FRMD8: variants seen among roughly 807,000 people sequenced by gnomAD.
The protein encoded by FRMD8 is FERM domain containing 8, also known as FERM domain-containing protein 8.
FRMD8 carries 37 observed loss-of-function variants against 54.2 expected under a neutral mutation model. The observed-to-expected ratio is 0.68, with a 90% confidence interval of 0.53 to 0.90. FRMD8 has a LOEUF of 0.90. Ranked by LOEUF, FRMD8 falls within the 40% of genes least tolerant of loss-of-function variation. The probability of loss-of-function intolerance (pLI) is 0.00; values close to 1 mark genes in which losing one functional copy is unlikely to be tolerated. For missense variants in FRMD8, 585 were observed against 653.7 expected (o/e 0.89, Z 1.15); for synonymous variants, 246 against 286.9 (o/e 0.86, Z 1.44).
chr11:65,382,976 C>T (rs2137835166), upstream of FRMD8: 1 of 152,480 alleles, frequency 6.6e-6, no homozygotes, highest in Admixed American at 6.5e-5. This position sits in a 1 kb window ranked among gnomAD's most constrained non-coding sequence, Gnocchi z 4.4. Flanking sequence ...ACTTGTCTGT[C>T]TGGACAGGGA....
the FRMD8 span, chr11:65,377,346 G>A: frequency 2.2e-6 from 3 of 1,334,314 alleles, no homozygotes; most frequent in South Asian, 1.9e-5. Flanking sequence ...GCCTACAGCA[G>A]GCACTCAGAA....
chr11:65,394,459 G>T (rs1268002001), intron 6 of FRMD8, 34 bp downstream of exon 6: 2 of 1,541,004 alleles, frequency 1.3e-6, no homozygotes, highest in Non-Finnish European at 1.7e-6. Context: ...CGGGGGCGCT[G>T]GGTGGGGGAG....
intron 10 of FRMD8, among the ~76,000 whole-genome samples, chr11:65,405,302 G>A (rs895618583): frequency 2.0e-5 from 3 of 152,236 alleles, no homozygotes; most frequent in African/African-American, 7.2e-5. Flanking sequence ...GATGTGATCC[G>A]GGAAACGACT....
chr11:65,382,173 G>A (rs975136674), upstream of FRMD8: 257 of 583,232 alleles, frequency 4.4e-4, 1 homozygote, highest in Non-Finnish European at 1.0e-4. The surrounding 1 kb of genome is among the most constrained non-coding windows in gnomAD (Gnocchi z 4.4). Flanking sequence ...ACAGTCTCAC[G>A]GGCCAGGCGT....
At chr11:65,389,988 G>C (rs997130109) in intron 3 of FRMD8, among the ~76,000 whole-genome samples, 2 of 152,220 alleles carry the variant, frequency 1.3e-5, no homozygotes, top group African/African-American at 4.8e-5. Flanking sequence ...ACCCAGGCCT[G>C]AGTGGCTTCC....
At position 65,411,894 on chromosome 11, in the gene FRMD8, C is replaced by T. The variant is rs948564605; in HGVS notation, c.*534C>T. The T allele has an allele frequency of 2.0e-5, 3 of 152,630 alleles. No homozygotes were observed. Among genetic ancestry groups the T allele is most frequent in the Non-Finnish European group, 4.4e-5 (3 of 68,330 alleles). The allele number at this position is 152,630 out of a possible 1,614,324, so 9.5% of individuals were successfully genotyped here. The stretch of plus-strand genomic sequence containing the variant: ...TTCCTCCTGCTGGTGCTCCATCCCC[C>T]AATACCAGGCTGGGCCACCACTCTG... On this transcript the variant is annotated 3_prime_UTR_variant, in exon 11 of 11. Transcript: ENST00000317568.
chr11:65,391,056 G>A (rs528686481), intron 3 of FRMD8, among the ~76,000 whole-genome samples: 3 of 152,386 alleles, frequency 2.0e-5, no homozygotes, highest in East Asian at 3.9e-4. Context: ...GGGGTGAACC[G>A]GTGACAGATG....
rs1288059352 is a variant in FRMD8 at position 65,394,321 on chromosome 11, A to C, written c.477A>C (p.Ala159=). ...AGGCCAAGGGCAACGTGCTGGCTGC[A>C]CGGTACCCGTGCGACGTGGAGGACT... ...YEEAKGNVLA[A]RYPCDVEDCE... is the part of the protein sequence containing the mutation. Residue 159 remains alanine, a synonymous_variant, in exon 6 of 11, where the codon GCA becomes GCC. Transcript: ENST00000317568. 1 of 1,587,664 alleles carries C rather than the reference A, an allele frequency of 6.3e-7. No homozygotes were observed. The highest frequency in any genetic ancestry group is 1.8e-5 in the Admixed American group (1 of 56,020).
chr11:65,377,401 C>T, the FRMD8 span: 1 of 1,197,648 alleles, frequency 8.3e-7, no homozygotes, highest in Non-Finnish European at 1.0e-6. Flanking sequence ...TTCTGGCCTC[C>T]CTAAAGCCGG....
chr11:65,393,738 G>A (rs1855888457), intron 4 of FRMD8, 64 bp downstream of exon 4: 1 of 1,371,364 alleles, frequency 7.3e-7, no homozygotes, highest in Admixed American at 1.8e-5. Flanking sequence ...CTGGCTCCCA[G>A]CCCAGCCAGG....
upstream of FRMD8, chr11:65,381,805 G>T: frequency 2.9e-6 from 4 of 1,387,400 alleles, no homozygotes; most frequent in Non-Finnish European, 4.1e-6. Flanking sequence ...TGATCCTCCC[G>T]CCAGGCCGGA....
At chr11:65,368,933 G>T in the FRMD8 span, among the ~76,000 whole-genome samples, 1 of 152,120 alleles carries the variant, frequency 6.6e-6, no homozygotes, top group African/African-American at 2.4e-5. Flanking sequence ...TTAGAGGAGA[G>T]ACAGATATAA....
In FRMD8 at chr11:65,400,817, G is replaced by T. The variant is rs541167364; in HGVS notation, c.1021G>T (p.Asp341Tyr). Residue 341 changes from aspartate (D) to tyrosine (Y), a missense_variant, in exon 9 of 11, where the codon GAC becomes TAC. Coordinates refer to ENST00000317568, the MANE Select transcript of FRMD8 (RefSeq NM_031904.5). This position sits in a 1 kb window ranked among gnomAD's most constrained non-coding sequence, Gnocchi z 4.3. ...EPILWLEFDG[D>Y]SEGTPVNKLL... is the part of the protein sequence containing the mutation. ...CATCTTGTGGCTGGAGTTCGACGGG[G>T]ACAGCGAGGGCACACCTGTCAACAA... 1.9e-6 allele frequency: 3 copies of T among 1,612,986 alleles called. No homozygotes were observed. The East Asian group carries it at 6.7e-5, about 36-fold the overall frequency.
At position 65,400,434 on chromosome 11, in the gene FRMD8, A is replaced by G. The variant is rs1315383976; in HGVS notation, c.928-290A>G. The stretch of plus-strand genomic sequence containing the variant: ...TGCTAGATGCCACGCCCGACCTCAT[A>G]GAAGAGACTCCGCTTCCCCACCTGC... On this transcript the variant is annotated intron_variant, in intron 8 of 10. Coordinates refer to ENST00000317568, the MANE Select transcript of FRMD8 (RefSeq NM_031904.5). The surrounding 1 kb of genome is among the most constrained non-coding windows in gnomAD (Gnocchi z 4.3). Among the ~76,000 whole-genome samples the G allele has an allele frequency of 6.6e-6, 1 of 152,106 alleles. No individual in the cohort carries two copies. The highest frequency in any genetic ancestry group is 1.5e-5 in the Non-Finnish European group (1 of 68,004).
chr11:65,389,612 C>T (rs1052395273), intron 3 of FRMD8, 84 bp downstream of exon 3: 41 of 1,377,742 alleles, frequency 3.0e-5, no homozygotes, highest in Middle Eastern at 4.0e-4. Flanking sequence ...TGTTTGGAGC[C>T]GCTGGGGAGC....
At chr11:65,382,164 C>G (rs1855603742), upstream of FRMD8, 1 of 598,706 alleles carries the variant, frequency 1.7e-6, no homozygotes, top group Non-Finnish European at 3.0e-6. This position sits in a 1 kb window ranked among gnomAD's most constrained non-coding sequence, Gnocchi z 4.4. Flanking sequence ...GTGCAGAGTA[C>G]AGTCTCACGG....
At chr11:65,398,838 C>A (rs965162333) in intron 7 of FRMD8, among the ~76,000 whole-genome samples, 15 of 152,098 alleles carry the variant, frequency 9.9e-5, no homozygotes, top group African/African-American at 3.6e-4. Flanking sequence ...CCCAGGAATT[C>A]AAGGTGGCCC....
Position 65,393,974 on chromosome 11 carries a change from C to T in FRMD8, c.356-67C>T, listed in dbSNP as rs1855893351. The T allele has an allele frequency of 5.8e-6, 9 of 1,553,016 alleles. No homozygotes were observed. The South Asian group carries it at 1.0e-4, about 17-fold the overall frequency. ...GTGAGGTTGGTGGCCAGGGCCTGGG[C>T]CAATCGGGAGAGGGGAGGGCTAAGC... is the stretch of plus-strand genomic sequence containing the variant. On this transcript the variant is annotated intron_variant, in intron 4 of 10. Coordinates refer to ENST00000317568, the MANE Select transcript of FRMD8 (RefSeq NM_031904.5).
the FRMD8 span, chr11:65,377,203 C>T: frequency 6.9e-7 from 1 of 1,448,336 alleles, no homozygotes; most frequent in Non-Finnish European, 9.1e-7. Context: ...CCTGCCGGCA[C>T]CCAGCCTCTC....
Sources: allele counts gnomAD v4.1 joint callset (sites outside exome capture counted in the v4.1 genomes callset), GRCh38; gene constraint gnomAD v4.1.1; non-coding constraint Gnocchi (gnomAD v3.1); transcripts MANE v1.5; gene names NCBI Gene and HGNC (gene_info 2026-07-23, HGNC 2026-07-21).